SCG5: variants seen among roughly 807,000 people sequenced by gnomAD.
SCG5 encodes the protein neuroendocrine protein 7B2.
Under a neutral mutation model 25.7 loss-of-function variants are expected in SCG5, and 18 were observed. The ratio of observed to expected loss-of-function variants is 0.70; its 90% confidence interval spans 0.48 to 1.04. The LOEUF is 1.04. Among genes scored for constraint, SCG5 ranks in the 50% least tolerant of loss-of-function variants. SCG5 has a pLI of 0.00. For missense variants in SCG5, 206 were observed against 259.8 expected, an observed-to-expected ratio of 0.79 and a Z score of 1.42; for synonymous variants, 101 against 91.7, an observed-to-expected ratio of 1.10 and a Z score of -0.58.
chr15:32,661,142 T>A (rs2054210781), intron 2 of SCG5, among the ~76,000 whole-genome samples: 1 of 152,236 alleles, frequency 6.6e-6, no homozygotes. Context: ...AGTTGAGGTT[T>A]AGAGCAGGTG....
chr15:32,655,251 TGAGCC>T (rs1282336813), intron 2 of SCG5, among the ~76,000 whole-genome samples: 1 of 151,168 alleles, frequency 6.6e-6, no homozygotes, highest in Non-Finnish European at 1.5e-5. Flanking sequence ...GAGCTTGCAG[TGAGCC>T]GAGATCGTGC....
At chr15:32,652,009 G>A (rs2054038532) in intron 2 of SCG5, among the ~76,000 whole-genome samples, 2 of 152,160 alleles carry the variant, frequency 1.3e-5, no homozygotes, top group Admixed American at 1.3e-4. Context: ...CTAAGACAAA[G>A]GCCAGGTAGA....
intron 5 of SCG5, among the ~76,000 whole-genome samples, chr15:32,693,907 CA>C (rs1000900229): frequency 3.9e-5 from 6 of 152,116 alleles, no homozygotes; most frequent in Non-Finnish European, 2.9e-5. Flanking sequence ...GTCAGTAGTT[CA>C]AGACCAGCCT....
intron 2 of SCG5, among the ~76,000 whole-genome samples, chr15:32,646,327 C>T (rs948634299): frequency 1.3e-5 from 2 of 152,182 alleles, no homozygotes; most frequent in Non-Finnish European, 2.9e-5. Context: ...CTGCAGCTTG[C>T]GTCCTCTTCC....
chr15:32,680,365 T>G (rs1291352662), intron 3 of SCG5, among the ~76,000 whole-genome samples: 1 of 151,806 alleles, frequency 6.6e-6, no homozygotes, highest in Non-Finnish European at 1.5e-5. Flanking sequence ...CTGGCTAATT[T>G]TTTTTTGTAT....
At chr15:32,672,600 G>A (rs1211453243) in intron 2 of SCG5, among the ~76,000 whole-genome samples, 3 of 149,846 alleles carry the variant, frequency 2.0e-5, no homozygotes, top group African/African-American at 7.3e-5. Context: ...GAGACCCCAG[G>A]TACCCCGACA....
intron 2 of SCG5, among the ~76,000 whole-genome samples, chr15:32,674,345 G>C (rs964485592): frequency 6.6e-6 from 1 of 152,064 alleles, no homozygotes; most frequent in Non-Finnish European, 1.5e-5. Flanking sequence ...GCACATTTTA[G>C]AGAGTCAAAT....
intron 2 of SCG5, chr15:32,669,075 C>G (rs1457745486): frequency 6.6e-6 from 1 of 152,226 alleles, no homozygotes; most frequent in Non-Finnish European, 1.5e-5. Context: ...GGTGAAGTCA[C>G]TACTTTAAGA....
intron 2 of SCG5, among the ~76,000 whole-genome samples, chr15:32,650,560 CAAAT>C (rs988300536): frequency 8.5e-5 from 13 of 152,320 alleles, no homozygotes; most frequent in Admixed American, 3.9e-4. Context: ...TCCCCAGAAA[CAAAT>C]AAAGCCACCA....
rs538944545 is a variant in SCG5 at position 32,673,744 on chromosome 15, T to C, written c.227-6022T>C. 7.6e-4 allele frequency among the ~76,000 whole-genome samples: 115 copies of C among 152,242 alleles called. 1 individual carries two copies. Among genetic ancestry groups the C allele is most frequent in the Middle Eastern group, 3.4e-3 (1 of 294 alleles). On this transcript the variant is annotated intron_variant, in intron 2 of 5. Coordinates refer to ENST00000300175, the MANE Select transcript of SCG5 (RefSeq NM_001144757.3). Reference sequence around the variant, plus strand: ...CATTTAATATAGGTTTGTTTGTTTGTTTGTTTTGAGACGGAGTCTCACTTT... The same window carrying C: ...CATTTAATATAGGTTTGTTTGTTTGCTTGTTTTGAGACGGAGTCTCACTTT...
chr15:32,683,041 C>T (rs1361242659), intron 3 of SCG5, among the ~76,000 whole-genome samples: 2 of 152,204 alleles, frequency 1.3e-5, no homozygotes, highest in East Asian at 1.9e-4. Flanking sequence ...TGCCTGAACT[C>T]TCTTGAATTG....
In SCG5 at chr15:32,643,634, G is replaced by C; in HGVS notation, c.42G>C (p.Leu14=). ...TCTCTACCATGCTATCTGGCCTACT[G>C]TTTTGGCTGGCATCTGGATGGACTC... ...RMVSTMLSGL[L]FWLASGWTPA... is the part of the protein sequence containing the mutation. Residue 14 remains leucine, a synonymous_variant, in exon 2 of 6, where the codon CTG becomes CTC. Coordinates refer to ENST00000300175, the MANE Select transcript of SCG5 (RefSeq NM_001144757.3). 6.2e-7 allele frequency: 1 copy of C among 1,613,922 alleles called. No individual in the cohort carries two copies. Among genetic ancestry groups the C allele is most frequent in the Non-Finnish European group, 8.5e-7 (1 of 1,179,880 alleles).
At chr15:32,644,097 A>G (rs2053907878) in intron 2 of SCG5, among the ~76,000 whole-genome samples, 1 of 152,244 alleles carries the variant, frequency 6.6e-6, no homozygotes, top group Admixed American at 6.5e-5. Context: ...AGCACCTAGC[A>G]CAATGTCTGG....
intron 2 of SCG5, among the ~76,000 whole-genome samples, chr15:32,674,775 C>T (rs758077078): frequency 6.6e-6 from 1 of 152,146 alleles, no homozygotes; most frequent in South Asian, 2.1e-4. Flanking sequence ...GAATTGCCAA[C>T]CTCAAAGGGA....
intron 4 of SCG5, among the ~76,000 whole-genome samples, chr15:32,685,443 C>T (rs1449770142): frequency 6.6e-6 from 1 of 152,140 alleles, no homozygotes; most frequent in Non-Finnish European, 1.5e-5. Flanking sequence ...ACAGCCTAGG[C>T]AACAGAATGT....
chr15:32,696,126 T>C (rs1350204084), intron 5 of SCG5, among the ~76,000 whole-genome samples: 3 of 148,886 alleles, frequency 2.0e-5, no homozygotes, highest in African/African-American at 7.4e-5. Flanking sequence ...TTCTTTTTTC[T>C]TTTTTTTTTG....
chr15:32,643,217 A>G (rs1311757759), intron 1 of SCG5, among the ~76,000 whole-genome samples: 1 of 152,188 alleles, frequency 6.6e-6, no homozygotes, highest in African/African-American at 2.4e-5. Flanking sequence ...CTCAAAATGT[A>G]AGCAAGTTTG....
At chr15:32,663,065 ATATATATATATATAAT>A (rs2054257587) in intron 2 of SCG5, among the ~76,000 whole-genome samples, 1 of 50,182 alleles carries the variant, frequency 2.0e-5, no homozygotes, top group African/African-American at 7.5e-5. Flanking sequence ...ATATATATAT[ATATATATATATATAAT>A]ATATAATATG....
chr15:32,684,093 C>G (rs911101056), intron 3 of SCG5, among the ~76,000 whole-genome samples: 1 of 152,246 alleles, frequency 6.6e-6, no homozygotes, highest in African/African-American at 2.4e-5. Flanking sequence ...TTGACCCCCA[C>G]AGTTGCCCTG....
Sources: gnomAD v4.1 joint callset for allele counts (sites outside exome capture counted in the v4.1 genomes callset) on GRCh38, gnomAD v4.1.1 for gene constraint, MANE v1.5 for transcripts, NCBI Gene and HGNC (gene_info 2026-07-23, HGNC 2026-07-21) for gene names.